LRP1B: variants seen among roughly 807,000 people sequenced by gnomAD.
The protein encoded by LRP1B is low-density lipoprotein receptor-related protein 1B.
LRP1B carries 217 observed loss-of-function variants against 556.6 expected under a neutral mutation model. The observed-to-expected ratio is 0.39, with a 90% CI of 0.35 to 0.44. The LOEUF (loss-of-function observed/expected upper bound fraction) is 0.44. LRP1B is among the 20% of genes least tolerant of loss of function. LRP1B has a pLI of 1.00. For synonymous variants in LRP1B, 2,047 were observed against 1,865.8 expected, an observed-to-expected ratio of 1.10 and a Z score of -2.50; for missense variants, 5,053 against 5,620.8, an observed-to-expected ratio of 0.90 and a Z score of 3.23.
intron 3 of LRP1B, among the ~76,000 whole-genome samples, chr2:141,422,471 T>C (rs1055450827): frequency 1.3e-5 from 2 of 152,200 alleles, no homozygotes; most frequent in South Asian, 2.1e-4. Context: ...TAACATATTT[T>C]AGAAAACTTA....
intron 41 of LRP1B, among the ~76,000 whole-genome samples, chr2:140,607,038 T>C (rs1419235173): frequency 6.6e-6 from 1 of 152,114 alleles, no homozygotes; most frequent in African/African-American, 2.4e-5. Flanking sequence ...AAATCACTTA[T>C]GTGATAATGG....
chr2:141,189,039 G>C lies in LRP1B; in HGVS notation c.851-456C>G, dbSNP rs1249437. Among the ~76,000 whole-genome samples the C allele has an allele frequency of 7.4e-3, 1,122 of 152,056 alleles. 12 individuals carry two copies. The highest frequency in any genetic ancestry group is 0.026 in the African/African-American group (1,080 of 41,526). On this transcript the variant is annotated intron_variant, in intron 6 of 90. Transcript: ENST00000389484. ...AAAGAAGGAAAGGGTGGAGAAGATG[G>C]AAAAGGAGATCTATAAGATTCCTTT...
intron 3 of LRP1B, among the ~76,000 whole-genome samples, chr2:141,403,480 G>C (rs192426195): frequency 6.6e-6 from 1 of 152,074 alleles, no homozygotes; most frequent in Non-Finnish European, 1.5e-5. Flanking sequence ...TTGAAGTTCA[G>C]ATGAAAGCTA....
intron 7 of LRP1B, among the ~76,000 whole-genome samples, chr2:141,181,925 G>C (rs559349496): frequency 6.6e-6 from 1 of 151,962 alleles, no homozygotes; most frequent in African/African-American, 2.4e-5. Context: ...TTATACCTTT[G>C]AATGAGCCTT....
intron 1 of LRP1B, among the ~76,000 whole-genome samples, chr2:142,105,538 G>A (rs895401822): frequency 6.6e-6 from 1 of 151,630 alleles, no homozygotes; most frequent in Admixed American, 6.6e-5. Flanking sequence ...GGAATTTTCT[G>A]CTTATGGTTG....
chr2:140,506,207 T>A (rs544937625), intron 53 of LRP1B, among the ~76,000 whole-genome samples: 1 of 152,096 alleles, frequency 6.6e-6, no homozygotes, highest in African/African-American at 2.4e-5. Flanking sequence ...CAAAATACGT[T>A]AAACCAAAGA....
chr2:141,961,750 T>C (rs1424015376), intron 1 of LRP1B, among the ~76,000 whole-genome samples: 3 of 151,840 alleles, frequency 2.0e-5, no homozygotes, highest in East Asian at 3.9e-4. Flanking sequence ...AGATTTGAAA[T>C]GGTGTAATGT....
intron 83 of LRP1B, among the ~76,000 whole-genome samples, chr2:140,299,838 A>G (rs1462016813): frequency 1.3e-5 from 2 of 152,184 alleles, no homozygotes; most frequent in Non-Finnish European, 2.9e-5. Context: ...CAATGAAATA[A>G]ACAGTGCGTA....
At chr2:140,868,931 G>A (rs73964729) in intron 25 of LRP1B, among the ~76,000 whole-genome samples, 127 of 152,064 alleles carry the variant, frequency 8.4e-4, no homozygotes, top group Middle Eastern at 3.4e-3. Flanking sequence ...ATGGGTCCCC[G>A]GTAAAACTGA....
intron 59 of LRP1B, among the ~76,000 whole-genome samples, chr2:140,475,948 C>A (rs1363788947): frequency 1.3e-5 from 2 of 151,886 alleles, no homozygotes; most frequent in Non-Finnish European, 2.9e-5. Flanking sequence ...TGGAGCACTT[C>A]CATTATCACA....
At chr2:141,091,664 G>C (rs1269339969) in intron 7 of LRP1B, among the ~76,000 whole-genome samples, 3 of 152,186 alleles carry the variant, frequency 2.0e-5, no homozygotes, top group African/African-American at 7.2e-5. Flanking sequence ...GAGCTGCTGG[G>C]ATAGGCTCCA....
rs544895862 is a variant in LRP1B, at chr2:141,148,889, G to C, written c.1013+39532C>G. Reference sequence around the variant, plus strand: ...ACTTGAGGTTGGGAGTTTAAGACCAGCCTGGCCAACATAGTGAAACCCAGT... The same window carrying C: ...ACTTGAGGTTGGGAGTTTAAGACCACCCTGGCCAACATAGTGAAACCCAGT... On this transcript the variant is annotated intron_variant, in intron 7 of 90. Coordinates refer to ENST00000389484, the MANE Select transcript of LRP1B (RefSeq NM_018557.3). Among the ~76,000 whole-genome samples the C allele has an allele frequency of 2.0e-5, 3 of 152,224 alleles. No individual in the cohort carries two copies. In the East Asian group the frequency reaches 5.8e-4, roughly 29 times the overall value.
intron 66 of LRP1B, among the ~76,000 whole-genome samples, chr2:140,402,686 C>T (rs1230732672): frequency 6.6e-6 from 1 of 152,144 alleles, no homozygotes; most frequent in Non-Finnish European, 1.5e-5. Context: ...GATAAGACCT[C>T]AGTGTGTCTA....
chr2:141,489,088 A>AC (rs1387197085), intron 2 of LRP1B, among the ~76,000 whole-genome samples: 2 of 136,804 alleles, frequency 1.5e-5, no homozygotes, highest in African/African-American at 5.7e-5. Context: ...CAAACCTCCC[A>AC]CCTCAGCCTC....
intron 1 of LRP1B, among the ~76,000 whole-genome samples, chr2:142,078,462 A>G (rs901649456): frequency 6.6e-6 from 1 of 152,150 alleles, no homozygotes; most frequent in Non-Finnish European, 1.5e-5. Flanking sequence ...TGTTGATACT[A>G]TCATCTGTAT....
chr2:141,178,755 A>C (rs10496870), intron 7 of LRP1B, among the ~76,000 whole-genome samples: 72,343 of 151,798 alleles, frequency 0.48, 18,710 homozygotes, highest in Middle Eastern at 0.64. Flanking sequence ...ATATATCTTC[A>C]GTATTTTTCT....
intron 2 of LRP1B, among the ~76,000 whole-genome samples, chr2:141,552,820 T>C (rs1685803790): frequency 6.6e-6 from 1 of 152,026 alleles, no homozygotes. Context: ...CATCACTATT[T>C]GGAAAAAAAT....
Position 140,323,894 on chromosome 2 carries a change from A to G in LRP1B, c.12513T>C (p.Asp4171=), listed in dbSNP as rs1327909536. 1 of 1,416,444 alleles carries G rather than the reference A, an allele frequency of 7.1e-7. No homozygotes were observed. Among genetic ancestry groups the G allele is most frequent in the East Asian group, 2.3e-5 (1 of 43,664 alleles). 87.7% of individuals were successfully genotyped at this position (1,416,444 alleles called of 1,614,324 possible). Residue 4171 remains aspartate, a splice_region_variant and synonymous_variant, in exon 81 of 91, where the codon GAT becomes GAC. Coordinates refer to ENST00000389484, the MANE Select transcript of LRP1B (RefSeq NM_018557.3). Reference sequence around the variant, plus strand: ...AACTTCATAATATATTATACTTACAATCTAGTTGTTTATAACGATGAGATA... The same window carrying G: ...AACTTCATAATATATTATACTTACAGTCTAGTTGTTTATAACGATGAGATA... ...VLISHRYKQL[D]LPNPCLDLAC...
intron 3 of LRP1B, among the ~76,000 whole-genome samples, chr2:141,408,279 G>T (rs1559053831): frequency 6.6e-6 from 1 of 151,564 alleles, no homozygotes; most frequent in South Asian, 2.1e-4. Flanking sequence ...AGTAGCTGGG[G>T]CTACAGGTAC....
Sources: allele counts gnomAD v4.1 joint callset (sites outside exome capture counted in the v4.1 genomes callset), GRCh38; gene constraint gnomAD v4.1.1; transcripts MANE v1.5; gene names NCBI Gene and HGNC (gene_info 2026-07-23, HGNC 2026-07-21).